Variants in OR51B5 observed in about 807,000 individuals in gnomAD.
The protein encoded by OR51B5 is olfactory receptor 51B5.
For synonymous variants in OR51B5, 186 were observed against 144.8 expected (o/e 1.28, Z -2.04); for missense variants, 456 against 374.6 (o/e 1.22, Z -1.79).
At chr11:5,436,685 A>T (rs940560398) in intron 1 of OR51B5, among the ~76,000 whole-genome samples, 3 of 152,260 alleles carry the variant, frequency 2.0e-5, no homozygotes, top group Non-Finnish European at 2.9e-5. Flanking sequence ...AATTGTGCAC[A>T]ACTATGCAAA....
chr11:5,489,798 G>T, intron 1 of OR51B5: 1 of 680,452 alleles, frequency 1.5e-6, no homozygotes, highest in South Asian at 1.9e-5. Flanking sequence ...GGAATAGCCA[G>T]ATGAATCAGA....
chr11:5,401,864 TTTTCCTTCCTTC>T (rs1185469932), intron 1 of OR51B5, among the ~76,000 whole-genome samples: 6 of 128,012 alleles, frequency 4.7e-5, no homozygotes, highest in African/African-American at 1.8e-4. Context: ...TGCTTTTTCT[TTTTCCTTCCTTC>T]CTTTTCTCTC....
chr11:5,424,701 G>A (rs141748628), intron 1 of OR51B5, among the ~76,000 whole-genome samples: 3,584 of 151,856 alleles, frequency 0.024, 68 homozygotes, highest in Non-Finnish European at 0.037. Flanking sequence ...GAAAGGCAGG[G>A]CCTGGCGGGG....
At position 5,430,798 on chromosome 11, in the gene OR51B5, T is replaced by G. The variant is rs771935706; in HGVS notation, n.84+74771A>C. On this transcript the variant is annotated intron_variant and non_coding_transcript_variant, in intron 1 of 4. Transcript: ENST00000415970. Reference sequence around the variant, plus strand: ...AAGTGTGTGGACAATGGGAGAAGCATGTTTGGCAGCACGATGCATCACAGA... The same window carrying G: ...AAGTGTGTGGACAATGGGAGAAGCAGGTTTGGCAGCACGATGCATCACAGA... 27 of 457,302 alleles carry G rather than the reference T, an allele frequency of 5.9e-5. 1 individual carries two copies. Among genetic ancestry groups the G allele is most frequent in the South Asian group, 4.0e-4 (26 of 64,568 alleles). The allele number at this position is 457,302 out of a possible 1,614,324, so 28.3% of individuals were successfully genotyped here.
At chr11:5,380,143 A>G (rs2133717193) in intron 1 of OR51B5, among the ~76,000 whole-genome samples, 1 of 152,086 alleles carries the variant, frequency 6.6e-6, no homozygotes, top group East Asian at 1.9e-4. Flanking sequence ...TGAAAATGAA[A>G]ATCGGTTCCC....
chr11:5,375,387 A>C (rs4590905), intron 1 of OR51B5, among the ~76,000 whole-genome samples: 2 of 147,392 alleles, frequency 1.4e-5, no homozygotes, highest in African/African-American at 4.9e-5. Context: ...TCAGGCCAAA[A>C]TGTGAAGACC....
chr11:5,454,635 T>C, intron 1 of OR51B5: 4 of 425,612 alleles, frequency 9.4e-6, no homozygotes, highest in Non-Finnish European at 1.7e-5. Context: ...GAAAGATAAA[T>C]ATTGGGGGCA....
chr11:5,357,071 A>G (rs1171728038), intron 1 of OR51B5, among the ~76,000 whole-genome samples: 3 of 152,086 alleles, frequency 2.0e-5, no homozygotes, highest in African/African-American at 7.2e-5. Flanking sequence ...GCATCAACTA[A>G]TGAGCAAAAT....
intron 1 of OR51B5, among the ~76,000 whole-genome samples, chr11:5,408,302 A>C (rs1850090981): frequency 6.6e-6 from 1 of 151,798 alleles, no homozygotes; most frequent in African/African-American, 2.4e-5. Flanking sequence ...TATTAGGAAA[A>C]ACCTCCTAGC....
chr11:5,386,206 A>T (rs376861640), intron 1 of OR51B5, among the ~76,000 whole-genome samples: 21 of 152,240 alleles, frequency 1.4e-4, no homozygotes, highest in East Asian at 9.6e-4. Flanking sequence ...AAACAAGAAA[A>T]GTATGTGTAG....
chr11:5,361,630 A>G (rs988413821), intron 1 of OR51B5, among the ~76,000 whole-genome samples: 4 of 152,186 alleles, frequency 2.6e-5, no homozygotes, highest in African/African-American at 9.7e-5. Context: ...GATGGGGTAT[A>G]AGAATCTATC....
chr11:5,394,486 C>G (rs1189750750), intron 1 of OR51B5, among the ~76,000 whole-genome samples: 1 of 152,310 alleles, frequency 6.6e-6, no homozygotes, highest in Non-Finnish European at 1.5e-5. Flanking sequence ...CAGCACAAGC[C>G]TATATTCCTG....
intron 1 of OR51B5, among the ~76,000 whole-genome samples, chr11:5,432,362 C>G (rs1175114225): frequency 6.6e-6 from 1 of 151,972 alleles, no homozygotes; most frequent in Non-Finnish European, 1.5e-5. Flanking sequence ...GAGCCAAAAT[C>G]CATACTCAGC....
intron 1 of OR51B5, among the ~76,000 whole-genome samples, chr11:5,479,017 A>C (rs1851366322): frequency 6.6e-6 from 1 of 152,128 alleles, no homozygotes; most frequent in Admixed American, 6.5e-5. Flanking sequence ...AGAACACCAT[A>C]AAGATACTCC....
rs138226274 is a variant in OR51B5, at chr11:5,485,147, C to T, written n.84+20422G>A. Among the ~76,000 whole-genome samples, 13 of 152,272 alleles carry T rather than the reference C, an allele frequency of 8.5e-5. No homozygotes were observed. In the East Asian group the frequency reaches 2.5e-3, roughly 29 times the overall value. On this transcript the variant is annotated intron_variant and non_coding_transcript_variant, in intron 1 of 4. Coordinates refer to the OR51B5 transcript ENST00000415970. ...CCACCAAAGGTGATGGAAGGTAGATCTCTGCTGTTCTCCCCTTCACTCTTA... is the reference window on the plus strand; with the variant it reads ...CCACCAAAGGTGATGGAAGGTAGATTTCTGCTGTTCTCCCCTTCACTCTTA...
At chr11:5,411,610 C>A (rs1850150534) in intron 1 of OR51B5, among the ~76,000 whole-genome samples, 1 of 152,202 alleles carries the variant, frequency 6.6e-6, no homozygotes, top group Non-Finnish European at 1.5e-5. Flanking sequence ...GAAAAGTCCA[C>A]ATCCTAATCC....
intron 1 of OR51B5, among the ~76,000 whole-genome samples, chr11:5,476,864 T>C (rs1851314649): frequency 6.6e-6 from 1 of 152,076 alleles, no homozygotes; most frequent in South Asian, 2.1e-4. Context: ...ACTAGCTAGG[T>C]AAAGTAAAAT....
chr11:5,436,034 T>C (rs7131660), intron 1 of OR51B5, among the ~76,000 whole-genome samples: 24,382 of 152,122 alleles, frequency 0.16, 2,070 homozygotes, highest in East Asian at 0.28. Context: ...AAGATGAATA[T>C]ACTACTTAGG....
intron 1 of OR51B5, among the ~76,000 whole-genome samples, chr11:5,421,213 C>T (rs1363198085): frequency 2.6e-5 from 4 of 152,204 alleles, no homozygotes; most frequent in Admixed American, 2.0e-4. Context: ...GCGATGCCTC[C>T]GTGTAATCCT....
Sources: gnomAD v4.1 joint callset for allele counts (sites outside exome capture counted in the v4.1 genomes callset) on GRCh38, gnomAD v4.1.1 for gene constraint, MANE v1.5 for transcripts, NCBI Gene and HGNC (gene_info 2026-07-23, HGNC 2026-07-21) for gene names.